FAM210A: variants seen among roughly 807,000 people sequenced by gnomAD.
FAM210A encodes family with sequence similarity 210 member A.
A neutral mutation model predicts 25.3 loss-of-function variants in FAM210A; 13 were observed. The observed-to-expected ratio is 0.51, with a 90% CI of 0.33 to 0.82. FAM210A has a LOEUF of 0.82. Ranked by LOEUF, FAM210A falls within the 40% of genes least tolerant of loss-of-function variation. The pLI, the probability that FAM210A is intolerant of heterozygous loss-of-function variation, is 0.02. For synonymous variants in FAM210A, 125 were observed against 118.7 expected, an observed-to-expected ratio of 1.05 and a Z score of -0.35; for missense variants, 319 against 323.2, an observed-to-expected ratio of 0.99 and a Z score of 0.10.
intron 1 of FAM210A, among the ~76,000 whole-genome samples, chr18:13,710,025 T>A (rs1377515416): frequency 1.3e-5 from 2 of 151,918 alleles, no homozygotes; most frequent in Non-Finnish European, 2.9e-5. Flanking sequence ...GGGGAGGAAT[T>A]TAGTTGACAG....
At chr18:13,699,346 A>G (rs2043720463) in intron 1 of FAM210A, among the ~76,000 whole-genome samples, 2 of 152,206 alleles carry the variant, frequency 1.3e-5, no homozygotes, top group South Asian at 4.1e-4. Context: ...TGAATTAAGG[A>G]TGAAGCCACT....
chr18:13,668,054 C>T lies in FAM210A; in HGVS notation c.586-1341G>A, dbSNP rs375447678. ...CTCCAGCCTGGGAAACAGCAAGATC[C>T]TGTCTCAAACGAAACAAAACAAAAT... On this transcript the variant is annotated intron_variant, in intron 3 of 3. Coordinates refer to ENST00000651643, the MANE Select transcript of FAM210A (RefSeq NM_152352.4). 5.3e-5 allele frequency among the ~76,000 whole-genome samples: 8 copies of T among 152,216 alleles called. 1 individual carries two copies. Among genetic ancestry groups the T allele is most frequent in the African/African-American group, 1.9e-4 (8 of 41,444 alleles).
intron 2 of FAM210A, among the ~76,000 whole-genome samples, chr18:13,675,361 A>T (rs376144606): frequency 0.011 from 376 of 32,736 alleles, 1 homozygote; most frequent in Middle Eastern, 0.043. Context: ...CTTTATTTCC[A>T]GTTTCCTGAT....
intron 1 of FAM210A, among the ~76,000 whole-genome samples, chr18:13,720,088 G>A (rs1038701414): frequency 3.3e-5 from 5 of 152,200 alleles, no homozygotes; most frequent in East Asian, 1.9e-4. Flanking sequence ...ACGGTTAAGC[G>A]TAGAGTTTCT....
chr18:13,697,871 CAG>C (rs1314849115), intron 1 of FAM210A, among the ~76,000 whole-genome samples: 2 of 152,064 alleles, frequency 1.3e-5, no homozygotes, highest in African/African-American at 2.4e-5. Flanking sequence ...TTCATACAAA[CAG>C]AACATTATTC....
intron 1 of FAM210A, among the ~76,000 whole-genome samples, chr18:13,697,182 C>A (rs2043701464): frequency 6.6e-6 from 1 of 152,076 alleles, no homozygotes; most frequent in African/African-American, 2.4e-5. Flanking sequence ...ATTTCTCAGA[C>A]CACATCTCTG....
intron 2 of FAM210A, among the ~76,000 whole-genome samples, chr18:13,673,288 C>T (rs1333801907): frequency 1.3e-5 from 2 of 149,608 alleles, no homozygotes; most frequent in African/African-American, 2.5e-5. Context: ...TCCTGAGCCC[C>T]GACTTCTTTA....
chr18:13,716,877 C>T (rs1265719659), intron 1 of FAM210A, among the ~76,000 whole-genome samples: 1 of 152,096 alleles, frequency 6.6e-6, no homozygotes, highest in Non-Finnish European at 1.5e-5. Flanking sequence ...TATAAATTAC[C>T]CAGTCTCAGG....
chr18:13,684,740 C>A (rs2043582487), intron 1 of FAM210A, among the ~76,000 whole-genome samples: 1 of 152,174 alleles, frequency 6.6e-6, no homozygotes, highest in South Asian at 2.1e-4. Flanking sequence ...CTCCATTCAA[C>A]AACAGCAGAA....
intron 1 of FAM210A, among the ~76,000 whole-genome samples, chr18:13,720,372 T>G (rs537355042): frequency 6.6e-6 from 1 of 152,224 alleles, no homozygotes; most frequent in Non-Finnish European, 1.5e-5. Context: ...ACTAGCAGTA[T>G]TTTAGGTCAC....
intron 3 of FAM210A, among the ~76,000 whole-genome samples, chr18:13,669,401 T>C (rs2043425497): frequency 6.6e-6 from 1 of 152,190 alleles, no homozygotes; most frequent in Non-Finnish European, 1.5e-5. Flanking sequence ...CTCTGCCCTG[T>C]TCACTGATTC....
rs1249583270 is a variant in FAM210A at position 13,714,506 on chromosome 18, T to C, written c.-29+11823A>G. The stretch of plus-strand genomic sequence containing the variant: ...AATTCCTAAGGAGTAACTGAAGTTT[T>C]GAGCAAGAAAGTGATATGATAAAAG... On this transcript the variant is annotated intron_variant, in intron 1 of 3. Transcript: ENST00000651643. Among the ~76,000 whole-genome samples, 3 of 152,216 alleles carry C rather than the reference T, an allele frequency of 2.0e-5. No homozygotes were observed. In the East Asian group the frequency reaches 5.8e-4, roughly 29 times the overall value.
At chr18:13,725,544 A>T (rs886413892) in intron 1 of FAM210A, among the ~76,000 whole-genome samples, 1 of 152,238 alleles carries the variant, frequency 6.6e-6, no homozygotes, top group African/African-American at 2.4e-5. Flanking sequence ...TTTTAAATGG[A>T]TCAATTTTGG....
In FAM210A at chr18:13,721,725, A is replaced by G. The variant is rs181457214; in HGVS notation, c.-29+4604T>C. Among the ~76,000 whole-genome samples, 777 of 152,254 alleles carry G rather than the reference A, an allele frequency of 5.1e-3. 4 individuals are homozygous for G. Among genetic ancestry groups the G allele is most frequent in the Non-Finnish European group, 6.6e-3 (450 of 68,014 alleles). On this transcript the variant is annotated intron_variant, in intron 1 of 3. Coordinates refer to ENST00000651643, the MANE Select transcript of FAM210A (RefSeq NM_152352.4). ...AGGATGAATATGGGGACCCACTGTG[A>G]GGAGAACCTGGGTTAAACTTCCATT...
In FAM210A at chr18:13,688,739, G is replaced by A. The variant is rs568203031; in HGVS notation, c.-28-6634C>T. 4.6e-5 allele frequency among the ~76,000 whole-genome samples: 7 copies of A among 152,356 alleles called. No homozygotes were observed. In the South Asian group the frequency reaches 6.2e-4, roughly 14 times the overall value. ...GATAACGCTGCTGTCTGTAGATGGCGGAGCTAAGGCAGCACTGTATCATGG... is the reference window on the plus strand; with the variant it reads ...GATAACGCTGCTGTCTGTAGATGGCAGAGCTAAGGCAGCACTGTATCATGG... On this transcript the variant is annotated intron_variant, in intron 1 of 3. Coordinates refer to ENST00000651643, the MANE Select transcript of FAM210A (RefSeq NM_152352.4).
intron 3 of FAM210A, among the ~76,000 whole-genome samples, chr18:13,668,407 T>C (rs904458684): frequency 6.6e-6 from 1 of 152,184 alleles, no homozygotes; most frequent in Non-Finnish European, 1.5e-5. Flanking sequence ...CAACATTCGA[T>C]CCCTGGACCT....
At chr18:13,683,073 C>T (rs897143860) in intron 1 of FAM210A, among the ~76,000 whole-genome samples, 1 of 152,058 alleles carries the variant, frequency 6.6e-6, no homozygotes, top group Non-Finnish European at 1.5e-5. Context: ...AGGAACCAAG[C>T]CCATGTCCAC....
intron 1 of FAM210A, among the ~76,000 whole-genome samples, chr18:13,720,214 GC>G (rs759190202): frequency 1.3e-5 from 2 of 152,172 alleles, no homozygotes; most frequent in Non-Finnish European, 2.9e-5. Context: ...TATAGGGCCT[GC>G]AAAAGGTTCC....
At chr18:13,690,339 C>T (rs1477954833) in intron 1 of FAM210A, among the ~76,000 whole-genome samples, 4 of 152,190 alleles carry the variant, frequency 2.6e-5, no homozygotes, top group Non-Finnish European at 4.4e-5. Context: ...AAGGCATAGC[C>T]GAACAAAAGG....
Sources: allele counts gnomAD v4.1 joint callset (sites outside exome capture counted in the v4.1 genomes callset), GRCh38; gene constraint gnomAD v4.1.1; transcripts MANE v1.5; gene names NCBI Gene and HGNC (gene_info 2026-07-23, HGNC 2026-07-21).